Variants in MLLT10 observed in about 807,000 individuals in gnomAD.
MLLT10 encodes MLLT10 histone lysine methyltransferase DOT1L cofactor, also known as protein AF-10.
Under a neutral mutation model 129.1 loss-of-function variants are expected in MLLT10, and 30 were observed. The observed-to-expected ratio is 0.23, with a 90% confidence interval of 0.17 to 0.32. The LOEUF (loss-of-function observed/expected upper bound fraction) is 0.32. Ranked by LOEUF, MLLT10 falls within the 10% of genes least tolerant of loss-of-function variation. The pLI is 1.00. For synonymous variants in MLLT10, 490 were observed against 446.4 expected, an observed-to-expected ratio of 1.10 and a Z score of -1.23; for missense variants, 1,119 against 1,268.3, an observed-to-expected ratio of 0.88 and a Z score of 1.79.
At chr10:21,738,954 G>A (rs1458815870) in intron 21 of MLLT10, among the ~76,000 whole-genome samples, 1 of 152,132 alleles carries the variant, frequency 6.6e-6, no homozygotes, top group Non-Finnish European at 1.5e-5. Context: ...CTCCTGTAAT[G>A]CAGCTGCTCA....
At chr10:21,602,474 A>C (rs2043633847) in intron 5 of MLLT10, among the ~76,000 whole-genome samples, 1 of 152,136 alleles carries the variant, frequency 6.6e-6, no homozygotes, top group African/African-American at 2.4e-5. Context: ...TTTTGTATAT[A>C]CCACCTCTTC....
At chr10:21,583,745 A>G (rs1483608623) in intron 3 of MLLT10, among the ~76,000 whole-genome samples, 1 of 152,182 alleles carries the variant, frequency 6.6e-6, no homozygotes, top group African/African-American at 2.4e-5. Context: ...GGAAAACACC[A>G]AGACATTCAT....
At chr10:21,698,074 GTCTTC>G (rs1589699133) in intron 13 of MLLT10, among the ~76,000 whole-genome samples, 1 of 152,194 alleles carries the variant, frequency 6.6e-6, no homozygotes, top group East Asian at 1.9e-4. Context: ...AACATTTCAA[GTCTTC>G]TCTTCTACCT....
intron 9 of MLLT10, among the ~76,000 whole-genome samples, chr10:21,660,286 T>C (rs2050041043): frequency 6.7e-6 from 1 of 148,614 alleles, no homozygotes; most frequent in Non-Finnish European, 1.5e-5. Context: ...TTTTGTTTGC[T>C]TACATTGGGC....
At chr10:21,560,723 A>G (rs77236455) in intron 3 of MLLT10, among the ~76,000 whole-genome samples, 1 of 152,308 alleles carries the variant, frequency 6.6e-6, no homozygotes, top group East Asian at 1.9e-4. Flanking sequence ...TATTAGGATT[A>G]CAAGTGTGAG....
intron 5 of MLLT10, among the ~76,000 whole-genome samples, chr10:21,598,911 G>C (rs1384131091): frequency 6.6e-6 from 1 of 151,966 alleles, no homozygotes. Context: ...TGGGCCTGCT[G>C]ACTCACGCCT....
chr10:21,557,644 C>A (rs1198637584), intron 3 of MLLT10: 3 of 152,242 alleles, frequency 2.0e-5, no homozygotes, highest in African/African-American at 4.8e-5. Flanking sequence ...AGGCTGGAAC[C>A]ATGACTGCTG....
At chr10:21,621,849 T>C (rs2045894018) in intron 8 of MLLT10, among the ~76,000 whole-genome samples, 1 of 152,250 alleles carries the variant, frequency 6.6e-6, no homozygotes, top group South Asian at 2.1e-4. Context: ...TTTCTCTTTG[T>C]GTATTTAAAA....
intron 3 of MLLT10, among the ~76,000 whole-genome samples, chr10:21,549,733 T>C (rs1329186523): frequency 6.7e-6 from 1 of 149,592 alleles, no homozygotes; most frequent in Non-Finnish European, 1.5e-5. Context: ...CGCGATCCTC[T>C]ACTTCCCGGG....
At chr10:21,593,341 A>G (rs935153391) in intron 4 of MLLT10, among the ~76,000 whole-genome samples, 3 of 151,782 alleles carry the variant, frequency 2.0e-5, no homozygotes, top group Non-Finnish European at 4.4e-5. Flanking sequence ...GATCCGCCTC[A>G]GCCTTCCAAA....
chr10:21,730,521 C>T (rs992394226), intron 16 of MLLT10, among the ~76,000 whole-genome samples: 7 of 152,228 alleles, frequency 4.6e-5, no homozygotes, highest in Admixed American at 4.6e-4. Flanking sequence ...TATATCAAAG[C>T]AGAATGGTGA....
chr10:21,568,468 T>C (rs535934936), intron 3 of MLLT10, among the ~76,000 whole-genome samples: 1 of 152,226 alleles, frequency 6.6e-6, no homozygotes, highest in Non-Finnish European at 1.5e-5. Flanking sequence ...GATCTTTCTT[T>C]TGCTCTTCTA....
intron 21 of MLLT10, chr10:21,738,379 TAATC>T: frequency 7.8e-7 from 1 of 1,283,604 alleles, no homozygotes. Context: ...GTCTTCCTAT[TAATC>T]AAGATTTTAC....
At chr10:21,620,786 G>A (rs1257994911) in intron 8 of MLLT10, among the ~76,000 whole-genome samples, 4 of 151,594 alleles carry the variant, frequency 2.6e-5, no homozygotes, top group African/African-American at 4.9e-5. Context: ...CGTCTCCCAG[G>A]TTCAAGCGAT....
Position 21,673,660 on chromosome 10 carries a change from A to G in MLLT10, c.1362A>G (p.Gln454=), listed in dbSNP as rs2051749351. The part of the protein sequence containing the change: ...SLPTAGYKRA[Q]TSGIEEETVK... The stretch of plus-strand genomic sequence containing the variant: ...CTACAGCAGGATATAAGCGGGCTCA[A>G]ACTTCTGGCATAGAAGAAGAAACTG... The change falls in exon 11 of 23, where the codon CAA becomes CAG. Residue 454 remains glutamine (Q), a synonymous_variant. Coordinates refer to ENST00000307729, the MANE Select transcript of MLLT10 (RefSeq NM_001195626.3). 1.2e-6 allele frequency: 2 copies of G among 1,614,062 alleles called. No homozygotes were observed. The highest frequency in any genetic ancestry group is 1.7e-6 in the Non-Finnish European group (2 of 1,180,024).
chr10:21,678,599 T>C (rs886071880), intron 11 of MLLT10, among the ~76,000 whole-genome samples: 1 of 152,174 alleles, frequency 6.6e-6, no homozygotes, highest in Non-Finnish European at 1.5e-5. Context: ...TTTGTGGCAC[T>C]GTGAAGGTGA....
chr10:21,707,198 T>TC (rs1355525851), intron 13 of MLLT10, among the ~76,000 whole-genome samples: 1 of 150,110 alleles, frequency 6.7e-6, no homozygotes, highest in African/African-American at 2.5e-5. Flanking sequence ...GATTTTTTTT[T>TC]TTTTTTTTTT....
intron 13 of MLLT10, among the ~76,000 whole-genome samples, chr10:21,694,206 A>G (rs1344890215): frequency 1.3e-5 from 2 of 152,230 alleles, no homozygotes; most frequent in Non-Finnish European, 2.9e-5. Flanking sequence ...ATATCACAGT[A>G]TAGCTATTAA....
chr10:21,556,633 T>G (rs2038028231), intron 3 of MLLT10: 1 of 1,601,026 alleles, frequency 6.2e-7, no homozygotes, highest in African/African-American at 1.3e-5. Flanking sequence ...TTGTTTTGAT[T>G]GCTTTTCAGA....
Sources: allele counts gnomAD v4.1 joint callset (sites outside exome capture counted in the v4.1 genomes callset), GRCh38; gene constraint gnomAD v4.1.1; transcripts MANE v1.5; gene names NCBI Gene and HGNC (gene_info 2026-07-23, HGNC 2026-07-21).